Variants in CTIF observed in about 807,000 individuals in gnomAD.
The protein encoded by CTIF is cap binding complex dependent translation initiation factor, also known as CBP80/20-dependent translation initiation factor.
In CTIF, 21 loss-of-function variants were observed where a neutral mutation model predicts 66.0. The ratio of observed to expected loss-of-function variants is 0.32; its 90% CI spans 0.23 to 0.46. CTIF has a LOEUF of 0.46. Ranked by LOEUF, CTIF falls within the 20% of genes least tolerant of loss-of-function variation. The probability of loss-of-function intolerance (pLI) is 1.00; values close to 1 mark genes in which losing one functional copy is unlikely to be tolerated. For synonymous variants in CTIF, 345 were observed against 326.4 expected, an observed-to-expected ratio of 1.06 and a Z score of -0.62; for missense variants, 739 against 812.7, an observed-to-expected ratio of 0.91 and a Z score of 1.10.
chr18:48,753,348 T>TA (rs1405794758), intron 7 of CTIF, among the ~76,000 whole-genome samples: 3 of 152,172 alleles, frequency 2.0e-5, no homozygotes, highest in African/African-American at 7.2e-5. Context: ...GATTATGAAA[T>TA]AAAAAACGAA....
intron 6 of CTIF, among the ~76,000 whole-genome samples, chr18:48,685,028 G>GTTTT (rs1355464376): frequency 1.7e-5 from 2 of 120,538 alleles, no homozygotes; most frequent in Non-Finnish European, 3.6e-5. Context: ...TTGTTTGTTT[G>GTTTT]TATTTTTTTT....
chr18:48,836,564 C>T (rs2068815000), intron 10 of CTIF, among the ~76,000 whole-genome samples: 2 of 152,224 alleles, frequency 1.3e-5, no homozygotes, highest in South Asian at 4.1e-4. Context: ...CACTTCAGCC[C>T]TCCAGGTCCC....
chr18:48,669,796 T>TAC (rs2091495734), intron 5 of CTIF, among the ~76,000 whole-genome samples: 1 of 39,638 alleles, frequency 2.5e-5, no homozygotes, highest in African/African-American at 1.5e-4. Flanking sequence ...TAAACATTTA[T>TAC]ATATATATAT....
intron 6 of CTIF, among the ~76,000 whole-genome samples, chr18:48,685,097 T>G (rs1251014617): frequency 6.6e-6 from 1 of 152,014 alleles, no homozygotes; most frequent in Non-Finnish European, 1.5e-5. Flanking sequence ...TCATATCTCT[T>G]TATCTCCTCA....
chr18:48,704,712 G>A (rs2092128882), intron 6 of CTIF, among the ~76,000 whole-genome samples: 1 of 152,212 alleles, frequency 6.6e-6, no homozygotes, highest in Non-Finnish European at 1.5e-5. Context: ...TCGGACCGGG[G>A]CCCCACACAT....
chr18:48,650,760 A>G (rs111692170), intron 3 of CTIF, among the ~76,000 whole-genome samples: 2,082 of 152,342 alleles, frequency 0.014, 22 homozygotes, highest in Middle Eastern at 0.031. Flanking sequence ...AGCCCATCAG[A>G]CTAACAGCAG....
chr18:48,703,373 C>A (rs1234881726), intron 6 of CTIF, among the ~76,000 whole-genome samples: 4 of 152,136 alleles, frequency 2.6e-5, no homozygotes, highest in Admixed American at 1.3e-4. Context: ...CTGCCTGGGA[C>A]CTCCCACCCC....
At chr18:48,800,801 C>G (rs970086992) in intron 9 of CTIF, among the ~76,000 whole-genome samples, 1 of 152,238 alleles carries the variant, frequency 6.6e-6, no homozygotes, top group Non-Finnish European at 1.5e-5. Flanking sequence ...AGTGCCTCAC[C>G]CAGGCCTGTC....
intron 7 of CTIF, among the ~76,000 whole-genome samples, chr18:48,713,151 G>A (rs1352020525): frequency 1.3e-5 from 2 of 152,192 alleles, no homozygotes; most frequent in African/African-American, 2.4e-5. Flanking sequence ...GAAGAAGGAG[G>A]CAGCACCCCT....
At chr18:48,789,512 T>C (rs948530937) in intron 9 of CTIF, among the ~76,000 whole-genome samples, 85 of 152,354 alleles carry the variant, frequency 5.6e-4, no homozygotes, top group African/African-American at 2.0e-3. Flanking sequence ...ATTCATCAGG[T>C]GTGCACTAAT....
chr18:48,814,865 A>C (rs2068329783), intron 9 of CTIF, among the ~76,000 whole-genome samples: 2 of 152,232 alleles, frequency 1.3e-5, no homozygotes, highest in Non-Finnish European at 2.9e-5. Context: ...CCTGGGTGAA[A>C]GATAAACAGC....
At chr18:48,557,851 G>C (rs146189853) in intron 1 of CTIF, among the ~76,000 whole-genome samples, 9 of 152,356 alleles carry the variant, frequency 5.9e-5, no homozygotes, top group South Asian at 2.1e-4. Flanking sequence ...AGAGACAGCT[G>C]TCTGGTGTCT....
At chr18:48,847,189 TC>T (rs1371757139) in intron 10 of CTIF, among the ~76,000 whole-genome samples, 2 of 151,292 alleles carry the variant, frequency 1.3e-5, no homozygotes, top group Non-Finnish European at 2.9e-5. Flanking sequence ...GTGCCTGTAG[TC>T]CCAGCTCCTC....
intron 2 of CTIF, chr18:48,625,153 C>G (rs916224452): frequency 9.7e-6 from 9 of 931,234 alleles, no homozygotes; most frequent in African/African-American, 3.6e-5. Context: ...TTCCTTCTGC[C>G]CTTAAATTCA....
At chr18:48,827,404 C>G (rs1413918580) in intron 10 of CTIF, among the ~76,000 whole-genome samples, 1 of 152,084 alleles carries the variant, frequency 6.6e-6, no homozygotes, top group Admixed American at 6.5e-5. Context: ...AAAGCGTGGG[C>G]AGGAGAGGGA....
At chr18:48,628,672 A>C (rs756989075) in intron 2 of CTIF, among the ~76,000 whole-genome samples, 3 of 152,172 alleles carry the variant, frequency 2.0e-5, no homozygotes, top group Non-Finnish European at 4.4e-5. Context: ...CGATTTGCCC[A>C]AGGTCATAGA....
At chr18:48,635,629 T>C (rs1238640960) in intron 2 of CTIF, among the ~76,000 whole-genome samples, 2 of 152,150 alleles carry the variant, frequency 1.3e-5, no homozygotes, top group Non-Finnish European at 2.9e-5. Context: ...CCTCCTCTGC[T>C]CTTTATGTAT....
At chr18:48,844,044 T>C (rs1288074648) in intron 10 of CTIF, among the ~76,000 whole-genome samples, 1 of 152,174 alleles carries the variant, frequency 6.6e-6, no homozygotes, top group East Asian at 1.9e-4. Context: ...GTAAGCCAGG[T>C]GAGCATGAGG....
At chr18:48,783,285 G>A (rs1911411280) in intron 9 of CTIF, among the ~76,000 whole-genome samples, 1 of 152,170 alleles carries the variant, frequency 6.6e-6, no homozygotes, top group Non-Finnish European at 1.5e-5. Context: ...TGTATGGAAT[G>A]ACTTGAAAAG....
Sources: gnomAD v4.1 joint callset for allele counts (sites outside exome capture counted in the v4.1 genomes callset) on GRCh38, gnomAD v4.1.1 for gene constraint, MANE v1.5 for transcripts, NCBI Gene and HGNC (gene_info 2026-07-23, HGNC 2026-07-21) for gene names.